Variants in PCDHA2 observed in about 807,000 individuals in gnomAD.
The protein encoded by PCDHA2 is protocadherin alpha 2.
In PCDHA2, 58 loss-of-function variants were observed where a neutral mutation model predicts 66.0. That is an observed-to-expected ratio of 0.88 (90% CI 0.71 to 1.09). The LOEUF (loss-of-function observed/expected upper bound fraction) is 1.09. Among genes scored for constraint, PCDHA2 ranks in the 50% least tolerant of loss-of-function variants. PCDHA2 has a pLI of 0.00. For synonymous variants in PCDHA2, 634 were observed against 554.0 expected (o/e 1.14, Z -2.03); for missense variants, 1,267 against 1,242.3 (o/e 1.02, Z -0.30).
intron 1 of PCDHA2, chr5:140,967,284 A>C: frequency 6.2e-7 from 1 of 1,613,190 alleles, no homozygotes. Context: ...GAGAGTGCGC[A>C]GGACCCCGAC....
At chr5:140,857,348 CT>C (rs2044532824) in intron 1 of PCDHA2, 1 of 1,598,398 alleles carries the variant, frequency 6.3e-7, no homozygotes, top group Non-Finnish European at 8.6e-7. Flanking sequence ...CTCGCCTCCG[CT>C]GTGGGCCACG....
chr5:140,951,365 A>G (rs987513388), intron 1 of PCDHA2, among the ~76,000 whole-genome samples: 17 of 152,160 alleles, frequency 1.1e-4, no homozygotes, highest in African/African-American at 4.1e-4. Context: ...ACTGTTATAA[A>G]GAAACACCCA....
At chr5:140,808,180 T>C in intron 1 of PCDHA2, 1 of 1,614,254 alleles carries the variant, frequency 6.2e-7, no homozygotes, top group Non-Finnish European at 8.5e-7. Flanking sequence ...TCCCACTTTC[T>C]GGCCATTGTA....
intron 1 of PCDHA2, chr5:140,842,406 A>G: frequency 6.2e-7 from 1 of 1,612,200 alleles, no homozygotes; most frequent in Non-Finnish European, 8.5e-7. Context: ...GTACGTGAAG[A>G]CGCTCAATTT....
chr5:140,809,344 C>T, intron 1 of PCDHA2: 1 of 1,614,082 alleles, frequency 6.2e-7, no homozygotes, highest in Non-Finnish European at 8.5e-7. Context: ...TGCTGTACAC[C>T]GCGCTGCGGT....
At chr5:140,992,606 G>A (rs1554253052) in intron 3 of PCDHA2, among the ~76,000 whole-genome samples, 1 of 152,188 alleles carries the variant, frequency 6.6e-6, no homozygotes. Flanking sequence ...CTGTGTCTAA[G>A]TGAAAGCAGA....
chr5:140,869,040 G>A, intron 1 of PCDHA2: 23 of 1,529,286 alleles, frequency 1.5e-5, no homozygotes, highest in Non-Finnish European at 1.9e-5. Flanking sequence ...TTTTTAACCT[G>A]AAACTGAAGA....
At chr5:140,871,265 G>A (rs2052892595) in intron 1 of PCDHA2, 8 of 1,613,978 alleles carry the variant, frequency 5.0e-6, no homozygotes, top group Non-Finnish European at 6.8e-6. Flanking sequence ...ACGGCGCTGT[G>A]GTGGTCGGCA....
rs2150370274 is a variant in PCDHA2 at position 140,844,311 on chromosome 5, T to C, written c.2388+46959T>C. Among the ~76,000 whole-genome samples, 61 of 149,790 alleles carry C rather than the reference T, an allele frequency of 4.1e-4. 5 individuals carry two copies. The highest frequency in any genetic ancestry group is 7.6e-4 in the Non-Finnish European group (51 of 66,820). On this transcript the variant is annotated intron_variant, in intron 1 of 3. Transcript: ENST00000526136. ...CAAAATTTGATAGTTTTCATATTCT[T>C]CCTAATTTTATTATAAACTAGTTAA...
chr5:140,877,195 G>A, intron 1 of PCDHA2: 2 of 1,613,838 alleles, frequency 1.2e-6, no homozygotes, highest in East Asian at 2.2e-5. Context: ...CAGCGCAGGA[G>A]GCGCAGTTAG....
intron 1 of PCDHA2, among the ~76,000 whole-genome samples, chr5:140,962,688 G>C (rs1433931568): frequency 2.0e-5 from 3 of 152,164 alleles, no homozygotes; most frequent in African/African-American, 7.2e-5. Context: ...TGTTTTATCT[G>C]TAAATAATGC....
Position 140,796,569 on chromosome 5 carries a change from G to A in PCDHA2, c.1605G>A (p.Val535=). The change falls in exon 1 of 4, where the codon GTG becomes GTA. Residue 535 remains valine, a synonymous_variant. Coordinates refer to ENST00000526136, the MANE Select transcript of PCDHA2 (RefSeq NM_018905.3). The stretch of plus-strand genomic sequence containing the variant: ...AAGTGGAGCTGCTGCAGTTCCAGGT[G>A]AGCGCGCGGGATGCGGGCGTGCCGC... ...HEEVELLQFQ[V]SARDAGVPPL... The A allele has an allele frequency of 1.9e-6, 3 of 1,613,354 alleles. No homozygotes were observed. Among genetic ancestry groups the A allele is most frequent in the Non-Finnish European group, 2.5e-6 (3 of 1,179,886 alleles).
In PCDHA2 at chr5:140,822,649, T is replaced by C. The variant is rs2150118201; in HGVS notation, c.2388+25297T>C. 1.9e-6 allele frequency: 3 copies of C among 1,609,918 alleles called. No homozygotes were observed. In the South Asian group the frequency reaches 3.3e-5, roughly 18 times the overall value. ...TGTTCTTGACGATGTAAAGTCCAAATTTATAATTAATTCTAATACTGGTGA... is the reference window on the plus strand; with the variant it reads ...TGTTCTTGACGATGTAAAGTCCAAACTTATAATTAATTCTAATACTGGTGA... On this transcript the variant is annotated intron_variant, in intron 1 of 3. Transcript: ENST00000526136.
chr5:140,799,179 T>C (rs1485674689), intron 1 of PCDHA2, among the ~76,000 whole-genome samples: 1 of 152,172 alleles, frequency 6.6e-6, no homozygotes, highest in Non-Finnish European at 1.5e-5. Flanking sequence ...TCACTGATAC[T>C]TTATCTACAA....
intron 1 of PCDHA2, among the ~76,000 whole-genome samples, chr5:140,895,983 G>A (rs1186137755): frequency 1.3e-5 from 2 of 151,942 alleles, no homozygotes; most frequent in Non-Finnish European, 2.9e-5. Context: ...GCTAATTTTT[G>A]TATTTTAAGT....
At position 140,802,807 on chromosome 5, in the gene PCDHA2, C is replaced by A. The variant is rs782135685; in HGVS notation, c.2388+5455C>A. 14 of 1,613,322 alleles carry A rather than the reference C, an allele frequency of 8.7e-6. No individual in the cohort carries two copies. The East Asian group carries it at 1.3e-4, about 15-fold the overall frequency. On this transcript the variant is annotated intron_variant, in intron 1 of 3. Coordinates refer to ENST00000526136, the MANE Select transcript of PCDHA2 (RefSeq NM_018905.3). ...GAGCTGCTGCAGTTCCAGGTGAGTG[C>A]GCGCGATGCGGGCGTGCCGCCTCTG...
intron 1 of PCDHA2, chr5:140,857,339 T>A (rs2044519052): frequency 1.3e-6 from 2 of 1,597,956 alleles, no homozygotes; most frequent in Non-Finnish European, 1.7e-6. Context: ...GGACGGGGGC[T>A]CGCCTCCGCT....
chr5:140,844,637 A>T (rs2150372920), intron 1 of PCDHA2, among the ~76,000 whole-genome samples: 34 of 149,574 alleles, frequency 2.3e-4, no homozygotes, highest in African/African-American at 8.3e-4. Context: ...ACTATACATG[A>T]TAATTTCATT....
chr5:140,967,959 G>A lies in PCDHA2; in HGVS notation c.2389-10990G>A, dbSNP rs782716187. ...AATGACCAAGACTCAGGCCCCAACC[G>A]GAAAGTGAGCCTGGGTCTGGAGGCC... On this transcript the variant is annotated intron_variant, in intron 1 of 3. Transcript: ENST00000526136. The A allele has an allele frequency of 1.5e-5, 25 of 1,614,046 alleles. No individual in the cohort carries two copies. Among genetic ancestry groups the A allele is most frequent in the Non-Finnish European group, 1.9e-5 (23 of 1,180,058 alleles).
Sources: allele counts gnomAD v4.1 joint callset (sites outside exome capture counted in the v4.1 genomes callset), GRCh38; gene constraint gnomAD v4.1.1; transcripts MANE v1.5; gene names NCBI Gene and HGNC (gene_info 2026-07-23, HGNC 2026-07-21).